PCDHA6: variants seen among roughly 807,000 people sequenced by gnomAD.
The protein encoded by PCDHA6 is protocadherin alpha 6, also known as protocadherin alpha-6.
Under a neutral mutation model 60.3 loss-of-function variants are expected in PCDHA6, and 55 were observed. That is an observed-to-expected ratio of 0.91 (90% CI 0.73 to 1.14). The LOEUF is 1.14. Ranked by LOEUF, PCDHA6 falls within the 50% of genes most tolerant of loss-of-function variation. PCDHA6 has a pLI of 0.00. For synonymous variants in PCDHA6, 652 were observed against 557.9 expected (o/e 1.17, Z -2.38); for missense variants, 1,327 against 1,256.5 (o/e 1.06, Z -0.85).
chr5:140,842,257 A>C, intron 1 of PCDHA6: 1 of 1,611,472 alleles, frequency 6.2e-7, no homozygotes, highest in African/African-American at 1.3e-5. Flanking sequence ...ATTTTGAACA[A>C]GAAAACTTAT....
intron 1 of PCDHA6, chr5:140,882,711 C>T (rs1554175311): frequency 6.2e-7 from 1 of 1,614,160 alleles, no homozygotes; most frequent in Non-Finnish European, 8.5e-7. Context: ...TCTAGACCTC[C>T]GGAAACTCGA....
At chr5:140,848,691 T>C in intron 1 of PCDHA6, 1 of 1,592,078 alleles carries the variant, frequency 6.3e-7, no homozygotes, top group South Asian at 1.1e-5. Context: ...CCTGTTCCAG[T>C]TGGATTCCAA....
chr5:140,850,833 G>A, intron 1 of PCDHA6: 1 of 1,598,078 alleles, frequency 6.3e-7, no homozygotes, highest in Non-Finnish European at 8.6e-7. Flanking sequence ...TTCTCCTTGT[G>A]CTGGATCTAC....
chr5:140,886,268 A>C (rs1250080024), intron 1 of PCDHA6, among the ~76,000 whole-genome samples: 2 of 151,920 alleles, frequency 1.3e-5, no homozygotes, highest in Non-Finnish European at 2.9e-5. Flanking sequence ...TTATAGATAA[A>C]ATTTTTTAAA....
chr5:141,003,638 G>C (rs2098132492), intron 3 of PCDHA6, among the ~76,000 whole-genome samples: 1 of 152,118 alleles, frequency 6.6e-6, no homozygotes, highest in Admixed American at 6.6e-5. Flanking sequence ...TAAAGTAGAA[G>C]TGAAGATCTG....
Position 140,880,405 on chromosome 5 carries a change from G to T in PCDHA6, c.2394+49920G>T, listed in dbSNP as rs183953148. Among the ~76,000 whole-genome samples, 426 of 152,300 alleles carry T rather than the reference G, an allele frequency of 2.8e-3. 2 individuals carry two copies. The highest frequency in any genetic ancestry group is 0.014 in the Middle Eastern group (4 of 294). On this transcript the variant is annotated intron_variant, in intron 1 of 3. Coordinates refer to ENST00000529310, the MANE Select transcript of PCDHA6 (RefSeq NM_018909.4). ...AAATAATTTTTAAGAGCATATGGTTGACCTTAAAAGCGGGAACAGTTTTTC... is the reference window on the plus strand; with the variant it reads ...AAATAATTTTTAAGAGCATATGGTTTACCTTAAAAGCGGGAACAGTTTTTC...
chr5:140,887,523 A>G (rs2061479096), intron 1 of PCDHA6, among the ~76,000 whole-genome samples: 1 of 152,078 alleles, frequency 6.6e-6, no homozygotes, highest in Non-Finnish European at 1.5e-5. Flanking sequence ...TTTATATATG[A>G]GTCTTCCTCT....
At position 141,009,698 on chromosome 5, in the gene PCDHA6, G is replaced by A. The variant is rs900919931; in HGVS notation, c.2614G>A (p.Gly872Arg). The part of the protein sequence containing the change: ...VNSNSWTFKY[G>R]PGNPKQSGPG... Reference sequence around the variant, plus strand: ...CAGCAACAGCTGGACCTTTAAATACGGACCAGGCAACCCCAAACAATCCGG... The same window carrying A: ...CAGCAACAGCTGGACCTTTAAATACAGACCAGGCAACCCCAAACAATCCGG... The change falls in exon 4 of 4, where the codon GGA (glycine) becomes AGA (arginine). Residue 872 changes from glycine (G) to arginine (R), a missense_variant. Physicochemically the swap from Gly to Arg is moderately radical, Grantham distance 125. Transcript: ENST00000529310. The A allele has an allele frequency of 1.9e-6, 3 of 1,614,030 alleles. No homozygotes were observed. The highest frequency in any genetic ancestry group is 1.1e-5 in the South Asian group (1 of 91,066).
At chr5:140,952,261 C>T (rs246037) in intron 1 of PCDHA6, among the ~76,000 whole-genome samples, 85,112 of 150,858 alleles carry the variant, frequency 0.56, 24,616 homozygotes, top group African/African-American at 0.69. Flanking sequence ...GATTCCCATT[C>T]TGGGGTCTTG....
rs1430300644 is a variant in PCDHA6 at position 141,011,992 on chromosome 5, C to T, written c.*2055C>T. 6.5e-6 allele frequency: 1 copy of T among 153,658 alleles called. No individual in the cohort carries two copies. The highest frequency in any genetic ancestry group is 1.5e-5 in the Non-Finnish European group (1 of 68,022). 9.5% of individuals were successfully genotyped at this position (153,658 alleles called of 1,614,324 possible). ...TGTCTTGTCTACTTTTAGCTTCATTCTCCCATATTTTGAAGGGTGTGTAAC... is the reference window on the plus strand; with the variant it reads ...TGTCTTGTCTACTTTTAGCTTCATTTTCCCATATTTTGAAGGGTGTGTAAC... On this transcript the variant is annotated 3_prime_UTR_variant, in exon 4 of 4. Transcript: ENST00000529310.
At chr5:140,830,695 C>T (rs1771206789) in intron 1 of PCDHA6, 1 of 285,150 alleles carries the variant, frequency 3.5e-6, no homozygotes, top group African/African-American at 2.2e-5. Context: ...ACAATCTGCA[C>T]CTCAGAATTT....
At chr5:140,998,415 C>T (rs1554256243) in intron 3 of PCDHA6, among the ~76,000 whole-genome samples, 1 of 152,158 alleles carries the variant, frequency 6.6e-6, no homozygotes, top group African/African-American at 2.4e-5. Context: ...GTTTATCTAC[C>T]TGGTTTATCC....
At chr5:140,866,125 C>T (rs577622922) in intron 1 of PCDHA6, 6 of 152,174 alleles carry the variant, frequency 3.9e-5, no homozygotes, top group East Asian at 1.9e-4. Flanking sequence ...ATAAGAACTA[C>T]GTATCTGTTG....
At chr5:140,885,064 A>T (rs2060452937) in intron 1 of PCDHA6, among the ~76,000 whole-genome samples, 1 of 152,162 alleles carries the variant, frequency 6.6e-6, no homozygotes, top group Non-Finnish European at 1.5e-5. Context: ...TACCCACAAG[A>T]TATTATTTTA....
In PCDHA6 at chr5:140,882,044, C is replaced by T. The variant is rs539916085; in HGVS notation, c.2394+51559C>T. The T allele has an allele frequency of 5.7e-6, 4 of 702,876 alleles. No individual in the cohort carries two copies. In the East Asian group the frequency reaches 1.1e-4, roughly 20 times the overall value. The allele number at this position is 702,876 out of a possible 1,614,324, so 43.5% of individuals were successfully genotyped here. Reference sequence around the variant, plus strand: ...TCAATGGAAAATATGAAGACTGAGTCATACTTACACTTACACGTTCATGCG... The same window carrying T: ...TCAATGGAAAATATGAAGACTGAGTTATACTTACACTTACACGTTCATGCG... On this transcript the variant is annotated intron_variant, in intron 1 of 3. Transcript: ENST00000529310.
chr5:140,877,507 T>G, intron 1 of PCDHA6: 1 of 1,613,744 alleles, frequency 6.2e-7, no homozygotes, highest in Non-Finnish European at 8.5e-7. Flanking sequence ...CCCAAAGACG[T>G]CGTCGCGGGC....
chr5:140,838,076 TAGTGTGTG>T (rs1775469130), intron 1 of PCDHA6, among the ~76,000 whole-genome samples: 2 of 31,122 alleles, frequency 6.4e-5, no homozygotes, highest in Admixed American at 3.1e-4. Flanking sequence ...TATATATATA[TAGTGTGTG>T]TGTGTGTGTG....
chr5:140,828,149 C>T lies in PCDHA6; in HGVS notation c.58C>T (p.Leu20Phe). The T allele has an allele frequency of 6.2e-7, 1 of 1,614,102 alleles. No individual in the cohort carries two copies. Residue 20 changes from leucine to phenylalanine, a missense_variant, in exon 1 of 4, where the codon CTC becomes TTC. Coordinates refer to ENST00000529310, the MANE Select transcript of PCDHA6 (RefSeq NM_018909.4). ...GKQCLLLPLL[L>F]LAAWKVGSGQ... Reference sequence around the variant, plus strand: ...GCAATGTCTGCTCCTCCCGCTTCTGCTCCTCGCAGCCTGGAAGGTGGGGAG... The same window carrying T: ...GCAATGTCTGCTCCTCCCGCTTCTGTTCCTCGCAGCCTGGAAGGTGGGGAG...
chr5:140,843,275 A>ACC, intron 1 of PCDHA6: 1 of 1,595,960 alleles, frequency 6.3e-7, no homozygotes, highest in East Asian at 2.2e-5. Flanking sequence ...GGTCCTGGTG[A>ACC]AGGATCATGG....
Sources: gnomAD v4.1 joint callset for allele counts (sites outside exome capture counted in the v4.1 genomes callset) on GRCh38, gnomAD v4.1.1 for gene constraint, MANE v1.5 for transcripts, NCBI Gene and HGNC (gene_info 2026-07-23, HGNC 2026-07-21) for gene names.